FLT1: variants seen among roughly 807,000 people sequenced by gnomAD.
FLT1 encodes fms related receptor tyrosine kinase 1.
Under a neutral mutation model 156.3 loss-of-function variants are expected in FLT1, and 49 were observed. The observed-to-expected ratio is 0.31, with a 90% CI of 0.25 to 0.40. The LOEUF (loss-of-function observed/expected upper bound fraction) is 0.40, where lower values mean the gene tolerates loss of function less well. FLT1 is among the 10% of genes least tolerant of loss of function. The pLI is 1.00. For synonymous variants in FLT1, 594 were observed against 583.8 expected (o/e 1.02, Z -0.25); for missense variants, 1,322 against 1,637.2 (o/e 0.81, Z 3.32).
chr13:28,449,327 A>G (rs1179446981), intron 3 of FLT1, among the ~76,000 whole-genome samples: 2 of 152,218 alleles, frequency 1.3e-5, no homozygotes, highest in Admixed American at 1.3e-4. Flanking sequence ...GGCAGGTGGC[A>G]TAATGAAACA....
rs537309630 is a variant in FLT1 at position 28,458,647 on chromosome 13, G to C, written c.388+8256C>G. Among the ~76,000 whole-genome samples the C allele has an allele frequency of 1.4e-4, 21 of 152,292 alleles. No homozygotes were observed. The East Asian group carries it at 2.9e-3, about 21-fold the overall frequency. ...GGCTTCTGTCCCAATCATATATCAG[G>C]GTCTTCTATAGTCAAGCTCCCTTAG... On this transcript the variant is annotated intron_variant, in intron 3 of 29. Coordinates refer to ENST00000282397, the MANE Select transcript of FLT1 (RefSeq NM_002019.4).
At chr13:28,480,552 A>T (rs1880774881) in intron 1 of FLT1, among the ~76,000 whole-genome samples, 1 of 152,176 alleles carries the variant, frequency 6.6e-6, no homozygotes, top group Non-Finnish European at 1.5e-5. Flanking sequence ...AGACCTGAAG[A>T]ATCAATGTGT....
chr13:28,459,674 G>A (rs17552180), intron 3 of FLT1, among the ~76,000 whole-genome samples: 7,293 of 152,272 alleles, frequency 0.048, 248 homozygotes, highest in South Asian at 0.11. Flanking sequence ...TATTTTGGGC[G>A]CTTTCTTGTT....
In FLT1 at chr13:28,321,505, G is replaced by A. The variant is rs1301478298; in HGVS notation, c.3132C>T (p.Ala1044=). 6 of 1,614,032 alleles carry A rather than the reference G, an allele frequency of 3.7e-6. No homozygotes were observed. The East Asian group carries it at 1.1e-4, about 30-fold the overall frequency. Residue 1044 remains alanine (A), a synonymous_variant, in exon 23 of 30, where the codon GCC becomes GCT. Transcript: ENST00000282397. ...NVVKICDFGL[A]RDIYKNPDYV... ...AATCGGGGTTCTTATAAATATCCCGGGCAAGGCCAAAATCACAAATCTTCA... is the reference window on the plus strand; with the variant it reads ...AATCGGGGTTCTTATAAATATCCCGAGCAAGGCCAAAATCACAAATCTTCA...
intron 13 of FLT1, chr13:28,387,314 CA>C (rs1175880042): frequency 9.6e-7 from 1 of 1,045,154 alleles, no homozygotes; most frequent in Non-Finnish European, 1.2e-6. Context: ...TCTAAATGAC[CA>C]ATCAACCCAA....
chr13:28,308,374 C>G, intron 28 of FLT1: 1 of 227,686 alleles, frequency 4.4e-6, no homozygotes, highest in Non-Finnish European at 8.8e-6. Context: ...TAGCTTCTCC[C>G]ATTGTGATTG....
At chr13:28,375,376 A>T (rs1267963342) in intron 14 of FLT1, among the ~76,000 whole-genome samples, 1 of 79,976 alleles carries the variant, frequency 1.3e-5, no homozygotes, top group Admixed American at 1.8e-4. Flanking sequence ...CGCATAAAGC[A>T]ACATTTTCAA....
At chr13:28,420,732 C>G (rs182432696) in intron 10 of FLT1, among the ~76,000 whole-genome samples, 59 of 152,262 alleles carry the variant, frequency 3.9e-4, no homozygotes, top group African/African-American at 1.3e-3. Context: ...AAATTTGGGT[C>G]TTTGAGTACA....
At position 28,438,349 on chromosome 13, in the gene FLT1, A is replaced by G. The variant is rs748391643; in HGVS notation, c.389-4T>C. ...TCTACGAAAGGTCTACCTGTATCTG[A>G]ATGAGAAGAAAATGAAAAAAATATA... On this transcript the variant is annotated splice_region_variant and splice_polypyrimidine_tract_variant and intron_variant, in intron 3 of 29. Transcript: ENST00000282397. 82 of 1,606,550 alleles carry G rather than the reference A, an allele frequency of 5.1e-5. No individual in the cohort carries two copies. The highest frequency in any genetic ancestry group is 4.9e-4 in the Middle Eastern group (3 of 6,074).
chr13:28,387,311 G>A (rs1874421160), intron 13 of FLT1: 1 of 1,045,332 alleles, frequency 9.6e-7, no homozygotes, highest in African/African-American at 1.7e-5. Context: ...GTTTCTAAAT[G>A]ACCAATCAAC....
chr13:28,487,649 G>A (rs1171706038), intron 1 of FLT1, among the ~76,000 whole-genome samples: 2 of 152,162 alleles, frequency 1.3e-5, no homozygotes, highest in Admixed American at 6.5e-5. Flanking sequence ...GACAGTAAGA[G>A]GCACATGAAA....
intron 3 of FLT1, among the ~76,000 whole-genome samples, chr13:28,463,199 G>A (rs1879683111): frequency 6.6e-6 from 1 of 151,920 alleles, no homozygotes; most frequent in South Asian, 2.1e-4. Flanking sequence ...TAATTACTTG[G>A]GTACTTAAAT....
chr13:28,477,836 C>T (rs117489891), intron 1 of FLT1, among the ~76,000 whole-genome samples: 1 of 152,278 alleles, frequency 6.6e-6, no homozygotes, highest in East Asian at 1.9e-4. Context: ...TAGTGTTATG[C>T]TACTCAGAAG....
intron 17 of FLT1, among the ~76,000 whole-genome samples, chr13:28,335,773 G>A (rs978735722): frequency 8.5e-5 from 13 of 152,148 alleles, no homozygotes; most frequent in South Asian, 2.1e-4. Context: ...CATGCAACAC[G>A]GGCAGAGCTA....
Position 28,362,189 on chromosome 13 carries a change from G to C in FLT1, c.2117-4504C>G, listed in dbSNP as rs185219089. 2.4e-4 allele frequency among the ~76,000 whole-genome samples: 37 copies of C among 152,286 alleles called. No individual in the cohort carries two copies. The Middle Eastern group carries it at 0.014, about 56-fold the overall frequency. On this transcript the variant is annotated intron_variant, in intron 14 of 29. Transcript: ENST00000282397. Reference sequence around the variant, plus strand: ...AGGTGATTCCAATATTTTAAACCCAGATAACAGGGAAAAAATGACAGCTCT... The same window carrying C: ...AGGTGATTCCAATATTTTAAACCCACATAACAGGGAAAAAATGACAGCTCT...
intron 3 of FLT1, among the ~76,000 whole-genome samples, chr13:28,441,567 A>T (rs1878335204): frequency 6.6e-6 from 1 of 152,188 alleles, no homozygotes; most frequent in Admixed American, 6.5e-5. Context: ...ATCACAAATT[A>T]TACTCATCAT....
intron 3 of FLT1, among the ~76,000 whole-genome samples, chr13:28,448,972 C>T (rs1878770125): frequency 6.6e-6 from 1 of 152,126 alleles, no homozygotes; most frequent in Admixed American, 6.5e-5. Flanking sequence ...TGTGATAGAA[C>T]CATCATGATT....
At chr13:28,372,048 G>GTATATATATA (rs1169072431) in intron 14 of FLT1, among the ~76,000 whole-genome samples, 1 of 75,584 alleles carries the variant, frequency 1.3e-5, no homozygotes, top group African/African-American at 6.3e-5. Context: ...GTGTGTGTGT[G>GTATATATATA]TATATATATA....
chr13:28,387,195 T>C, intron 13 of FLT1: 3 of 1,037,302 alleles, frequency 2.9e-6, no homozygotes, highest in Non-Finnish European at 3.5e-6. Flanking sequence ...GGACTCTCAA[T>C]TAAATACAAG....
Sources: gnomAD v4.1 joint callset for allele counts (sites outside exome capture counted in the v4.1 genomes callset) on GRCh38, gnomAD v4.1.1 for gene constraint, MANE v1.5 for transcripts, NCBI Gene and HGNC (gene_info 2026-07-23, HGNC 2026-07-21) for gene names.